The following TRAPPC14 variants were observed in gnomAD, a reference collection of about 807,000 sequenced individuals.
TRAPPC14 encodes the protein microtubule associated protein 11.
Under a neutral mutation model 56.6 loss-of-function variants are expected in TRAPPC14, and 24 were observed. The ratio of observed to expected loss-of-function variants is 0.42; its 90% CI spans 0.31 to 0.60. The LOEUF (loss-of-function observed/expected upper bound fraction) is 0.60, where lower values mean the gene tolerates loss of function less well. Ranked by LOEUF, TRAPPC14 falls within the 20% of genes least tolerant of loss-of-function variation. The pLI is 0.14. For synonymous variants in TRAPPC14, 377 were observed against 347.0 expected (o/e 1.09, Z -0.96); for missense variants, 615 against 790.3 (o/e 0.78, Z 2.66).
rs1798928830 is a variant in TRAPPC14 at position 100,158,270 on chromosome 7, G to A, written c.230C>T (p.Thr77Ile). 6.7e-7 allele frequency: 1 copy of A among 1,490,822 alleles called. No individual in the cohort carries two copies. Among genetic ancestry groups the A allele is most frequent in the Non-Finnish European group, 8.9e-7 (1 of 1,126,708 alleles). 92.3% of individuals were successfully genotyped at this position (1,490,822 alleles called of 1,614,324 possible). A position where few individuals can be genotyped will look rare whatever the true frequency, so the allele number is the denominator to read the frequency against. The change falls in exon 1 of 11, where the codon ACC becomes ATC. Residue 77 changes from threonine to isoleucine, a missense_variant. Coordinates refer to ENST00000316937, the MANE Select transcript of TRAPPC14 (RefSeq NM_018275.5). Reference protein sequence around the residue: ...GSRGAWAELATALAALASVSA... With the variant: ...GSRGAWAELAIALAALASVSA... ...GACCGAGGCCAGGGCGGCCAGGGCG[G>A]TTGCCAGTTCTGCCCAGGCTCCTCT...
chr7:100,155,611 C>CT, intron 9 of TRAPPC14, 60 bp downstream of exon 9: 3 of 1,528,274 alleles, frequency 2.0e-6, no homozygotes, highest in Non-Finnish European at 2.6e-6. Flanking sequence ...AGGGTCCTGC[C>CT]TCCGTCCACC....
chr7:100,155,589 C>T, intron 9 of TRAPPC14, 82 bp downstream of exon 9: 1 of 1,514,400 alleles, frequency 6.6e-7, no homozygotes, highest in Non-Finnish European at 8.8e-7. Flanking sequence ...TTTATTTCAT[C>T]CCCAAAATCT....
intron 9 of TRAPPC14, 27 bp downstream of exon 9, chr7:100,155,644 A>G: frequency 1.9e-6 from 3 of 1,572,512 alleles, no homozygotes; most frequent in Non-Finnish European, 2.6e-6. Flanking sequence ...ATCACTCAGC[A>G]CTCAGCCCAG....
intron 10 of TRAPPC14, 34 bp downstream of exon 10, chr7:100,155,228 A>C (rs201140518): frequency 1.6e-5 from 25 of 1,593,660 alleles, no homozygotes; most frequent in Non-Finnish European, 2.0e-5. Flanking sequence ...CCCATCCTCT[A>C]CCCGGTCCCA....
In TRAPPC14 at chr7:100,156,440, G is replaced by A; in HGVS notation, c.1186C>T (p.Leu396Phe). The change falls in exon 8 of 11, where the codon CTC becomes TTC. Residue 396 changes from leucine (L) to phenylalanine (F), a missense_variant. Physicochemically the swap from Leu to Phe is conservative, Grantham distance 22 (BLOSUM62 0). Transcript: ENST00000316937. ...FTVTYTLLNN[L>F]QDFLAVRLVW... ...AGCCTCACAGCAAGGAAGTCTTGGA[G>A]ATTGTTAAGCAGCGTGTAGGTGACA... The A allele has an allele frequency of 6.2e-7, 1 of 1,614,216 alleles. No homozygotes were observed. The highest frequency in any genetic ancestry group is 8.5e-7 in the Non-Finnish European group (1 of 1,180,034).
chr7:100,154,794 G>A lies in TRAPPC14; in HGVS notation c.*217C>T. The A allele has an allele frequency of 1.7e-6, 1 of 595,108 alleles. No individual in the cohort carries two copies. Among genetic ancestry groups the A allele is most frequent in the Admixed American group, 3.0e-5 (1 of 33,104 alleles). The allele number at this position is 595,108 out of a possible 1,614,324, so 36.9% of individuals were successfully genotyped here. A position where few individuals can be genotyped will look rare whatever the true frequency, so the allele number is the denominator to read the frequency against. On this transcript the variant is annotated 3_prime_UTR_variant, in exon 11 of 11. Coordinates refer to ENST00000316937, the MANE Select transcript of TRAPPC14 (RefSeq NM_018275.5). Reference sequence around the variant, plus strand: ...GGGGTGGGGCCAGCCCCCCCCACAGGAACTCGGGGAATACTGGTGGCTTAG... The same window carrying A: ...GGGGTGGGGCCAGCCCCCCCCACAGAAACTCGGGGAATACTGGTGGCTTAG...
chr7:100,158,067 C>T, intron 1 of TRAPPC14, 22 bp downstream of exon 1: 1 of 1,441,478 alleles, frequency 6.9e-7, no homozygotes, highest in South Asian at 1.4e-5. Flanking sequence ...CGTCCTGTGC[C>T]AGGTCCCCCA....
At position 100,157,956 on chromosome 7, in the gene TRAPPC14, G is replaced by GT. The variant is rs1562953056; in HGVS notation, c.412-19dup. ...ACAGGCAGCTGGGGTTGGGAAAGGG[G>GT]TGAAGAGGTCAGGAGCAAGTCAGAG... On this transcript the variant is annotated intron_variant, in intron 1 of 10. Transcript: ENST00000316937. 1.3e-6 allele frequency: 2 copies of GT among 1,529,384 alleles called. No homozygotes were observed. Among genetic ancestry groups the GT allele is most frequent in the Non-Finnish European group, 1.8e-6 (2 of 1,137,504 alleles). The allele number at this position is 1,529,384 out of a possible 1,614,324, so 94.7% of individuals were successfully genotyped here. A position where few individuals can be genotyped will look rare whatever the true frequency, so the allele number is the denominator to read the frequency against.
intron 9 of TRAPPC14, 88 bp from the exon 10 acceptor site, chr7:100,155,543 G>A: frequency 6.6e-7 from 1 of 1,504,776 alleles, no homozygotes; most frequent in Non-Finnish European, 8.9e-7. Flanking sequence ...ACAGACTGAT[G>A]TCAAATCTAA....
intron 4 of TRAPPC14, 39 bp downstream of exon 4, chr7:100,157,334 T>C (rs1390843782): frequency 6.2e-7 from 1 of 1,613,038 alleles, no homozygotes; most frequent in Non-Finnish European, 8.5e-7. Flanking sequence ...ATCAGTTCCC[T>C]TGTTGCTCCC....
In TRAPPC14 at chr7:100,155,046, C is replaced by G. The variant is rs546233603; in HGVS notation, c.1708G>C (p.Glu570Gln). The change falls in exon 11 of 11, where the codon GAG (glutamate) becomes CAG (glutamine). Residue 570 changes from glutamate (E) to glutamine (Q), a missense_variant. Coordinates refer to ENST00000316937, the MANE Select transcript of TRAPPC14 (RefSeq NM_018275.5). ...GGTTCCACCACCAGGACCTTGCACT[C>G]GCGCTTGGCAATCTTGTCCAGAGAC... The part of the protein sequence containing the change: ...VLSLDKIAKR[E>Q]CKVLVVEPVK The G allele has an allele frequency of 1.2e-6, 2 of 1,614,126 alleles. No individual in the cohort carries two copies. Among genetic ancestry groups the G allele is most frequent in the Non-Finnish European group, 8.5e-7 (1 of 1,180,000 alleles).
chr7:100,156,877 C>A lies in TRAPPC14; in HGVS notation c.961G>T (p.Gly321Trp), dbSNP rs764234323. Residue 321 changes from glycine (G) to tryptophan (W), a missense_variant, in exon 6 of 11, where the codon GGG (glycine) becomes TGG (tryptophan). Transcript: ENST00000316937. The stretch of plus-strand genomic sequence containing the variant: ...GCCCCTGGAGGGGGCTGCTCACCCC[C>A]TCTCAGCTGAAACAGGAAGTTGTGT... Reference protein sequence around the residue: ...EEHNFLFQLRGGEQPPPGAKE... With the variant: ...EEHNFLFQLRWGEQPPPGAKE... 2.1e-5 allele frequency: 34 copies of A among 1,614,014 alleles called. 1 individual carries two copies. Among genetic ancestry groups the A allele is most frequent in the Non-Finnish European group, 2.7e-5 (32 of 1,180,040 alleles).
At position 100,155,100 on chromosome 7, in the gene TRAPPC14, G is replaced by T. The variant is rs1157296385; in HGVS notation, c.1654C>A (p.Leu552Ile). 1 of 1,613,712 alleles carries T rather than the reference G, an allele frequency of 6.2e-7. No homozygotes were observed. The highest frequency in any genetic ancestry group is 1.7e-5 in the Admixed American group (1 of 60,002). Residue 552 changes from leucine to isoleucine, a missense_variant, in exon 11 of 11, where the codon CTC becomes ATC. Coordinates refer to ENST00000316937, the MANE Select transcript of TRAPPC14 (RefSeq NM_018275.5). Reference protein sequence around the residue: ...PPVASPVGRPLYLPPDKAVLS... With the variant: ...PPVASPVGRPIYLPPDKAVLS... Reference sequence around the variant, plus strand: ...ACAGCCTTGTCCGGGGGCAGGTAGAGGGGGCGGCCAACAGGAGAGGCCACA... The same window carrying T: ...ACAGCCTTGTCCGGGGGCAGGTAGATGGGGCGGCCAACAGGAGAGGCCACA...
Position 100,154,908 on chromosome 7 carries a change from C to T in TRAPPC14, c.*103G>A. The T allele has an allele frequency of 2.6e-6, 3 of 1,175,986 alleles. No individual in the cohort carries two copies. Among genetic ancestry groups the T allele is most frequent in the East Asian group, 4.7e-5 (2 of 42,800 alleles). 72.8% of individuals were successfully genotyped at this position (1,175,986 alleles called of 1,614,324 possible). Reference sequence around the variant, plus strand: ...GGCAGCTCTGCCAGGCCTCTTCACCCCCGTCTGGGAGGCATCCCAGGGGAG... The same window carrying T: ...GGCAGCTCTGCCAGGCCTCTTCACCTCCGTCTGGGAGGCATCCCAGGGGAG... On this transcript the variant is annotated 3_prime_UTR_variant, in exon 11 of 11. Coordinates refer to ENST00000316937, the MANE Select transcript of TRAPPC14 (RefSeq NM_018275.5).
At chr7:100,157,052 C>T in intron 5 of TRAPPC14, 42 bp downstream of exon 5, 5 of 1,613,934 alleles carry the variant, frequency 3.1e-6, no homozygotes, top group Non-Finnish European at 4.2e-6. Flanking sequence ...CCCCTGAAGC[C>T]ATCCCCACCA....
chr7:100,157,666 A>G lies in TRAPPC14; in HGVS notation c.604T>C (p.Phe202Leu), dbSNP rs143326317. 422 of 1,614,076 alleles carry G rather than the reference A, an allele frequency of 2.6e-4. No individual in the cohort carries two copies. The highest frequency in any genetic ancestry group is 2.9e-4 in the Non-Finnish European group (338 of 1,180,036). ...TTGAAAGCGCTCTGCTCGCCCCGGA[A>G]TGTCTCCCCAGGAGATCGGGTCTGC... is the stretch of plus-strand genomic sequence containing the variant. Reference protein sequence around the residue: ...LLQTRSPGETFRGEQSAFKAQ... With the variant: ...LLQTRSPGETLRGEQSAFKAQ... Residue 202 changes from phenylalanine to leucine, a missense_variant, in exon 3 of 11, where the codon TTC becomes CTC. Phe to Leu is a conservative substitution (Grantham distance 22, BLOSUM62 0). Coordinates refer to ENST00000316937, the MANE Select transcript of TRAPPC14 (RefSeq NM_018275.5).
chr7:100,158,592 C>G lies in TRAPPC14; in HGVS notation c.-93G>C. On this transcript the variant is annotated 5_prime_UTR_variant, in exon 1 of 11. Transcript: ENST00000316937. The stretch of plus-strand genomic sequence containing the variant: ...TGGGTCCAGAGGGTCCCGACACCTC[C>G]GGCTGCTGCGCCCGGCTGGGGCGGC... 8.4e-7 allele frequency: 1 copy of G among 1,195,442 alleles called. No individual in the cohort carries two copies. Among genetic ancestry groups the G allele is most frequent in the Non-Finnish European group, 1.1e-6 (1 of 948,756 alleles). 74.1% of individuals were successfully genotyped at this position (1,195,442 alleles called of 1,614,324 possible). A position where few individuals can be genotyped will look rare whatever the true frequency, so the allele number is the denominator to read the frequency against.
In TRAPPC14 at chr7:100,156,634, C is replaced by T. The variant is rs1311425510; in HGVS notation, c.1076G>A (p.Arg359His). 3 of 1,611,480 alleles carry T rather than the reference C, an allele frequency of 1.9e-6. No individual in the cohort carries two copies. Among genetic ancestry groups the T allele is most frequent in the South Asian group, 1.1e-5 (1 of 90,710 alleles). Residue 359 changes from arginine (R) to histidine (H), a missense_variant and splice_region_variant, in exon 7 of 11, where the codon CGC becomes CAC. Transcript: ENST00000316937. The stretch of plus-strand genomic sequence containing the variant: ...CGATTCCTCCAGGATCCACACTCAC[C>T]GGTAGTGGGTGTAGATGCTCTGAGT... ...PFTQSIYTHY[R>H]LPSVRLDRPC...
At chr7:100,158,054 C>G in intron 1 of TRAPPC14, 35 bp downstream of exon 1, 1 of 1,420,808 alleles carries the variant, frequency 7.0e-7, no homozygotes, top group Non-Finnish European at 9.3e-7. Flanking sequence ...CAAACCGCCC[C>G]TCCGTCCTGT....
Sources: gnomAD v4.1 joint callset for allele counts on GRCh38, gnomAD v4.1.1 for gene constraint, MANE v1.5 for transcripts, NCBI Gene and HGNC (gene_info 2026-07-23, HGNC 2026-07-21) for gene names.